The following CDKN2B-AS1 variants were observed in gnomAD, a reference collection of about 807,000 sequenced individuals.
The protein encoded by CDKN2B-AS1 is CDKN2B antisense RNA 1 (non-protein coding).
intron 4 of CDKN2B-AS1, among the ~76,000 whole-genome samples, chr9:22,094,072 T>G (rs1349050474): frequency 6.9e-6 from 1 of 144,328 alleles, no homozygotes; most frequent in South Asian, 2.1e-4. Context: ...CTCCTTCACT[T>G]ATGAAGCTTA....
At chr9:22,116,573 C>G (rs1224972905) in intron 4 of CDKN2B-AS1, among the ~76,000 whole-genome samples, 2 of 152,090 alleles carry the variant, frequency 1.3e-5, no homozygotes, top group Non-Finnish European at 2.9e-5. Flanking sequence ...ACATTTGACC[C>G]AAGACCTAAA....
intron 4 of CDKN2B-AS1, among the ~76,000 whole-genome samples, chr9:22,110,794 C>G (rs544569953): frequency 6.6e-6 from 1 of 152,280 alleles, no homozygotes; most frequent in African/African-American, 2.4e-5. Context: ...CGCTCCTACT[C>G]TTGAAAGTGA....
intron 1 of CDKN2B-AS1, among the ~76,000 whole-genome samples, chr9:22,045,533 C>T (rs1404105563): frequency 6.6e-6 from 1 of 151,996 alleles, no homozygotes; most frequent in African/African-American, 2.4e-5. Flanking sequence ...TTTAGCTTCA[C>T]TAAACTAGTC....
chr9:22,102,615 G>A (rs1825523155), intron 4 of CDKN2B-AS1, among the ~76,000 whole-genome samples: 1 of 152,036 alleles, frequency 6.6e-6, no homozygotes, highest in Non-Finnish European at 1.5e-5. Flanking sequence ...TTTTCGTATG[G>A]CCTTCTACTC....
intron 1 of CDKN2B-AS1, among the ~76,000 whole-genome samples, chr9:22,011,208 C>T (rs1234559207): frequency 6.6e-6 from 1 of 152,162 alleles, no homozygotes; most frequent in Non-Finnish European, 1.5e-5. Flanking sequence ...CCTTTTCTCC[C>T]GTCAAATAGA....
intron 1 of CDKN2B-AS1, chr9:22,032,567 G>A (rs1184648093): frequency 6.6e-6 from 1 of 151,972 alleles, no homozygotes; most frequent in Non-Finnish European, 1.5e-5. Context: ...ATTCATTGTT[G>A]TCCATGCCAT....
chr9:22,012,521 C>A, intron 1 of CDKN2B-AS1: 2 of 641,176 alleles, frequency 3.1e-6, no homozygotes, highest in East Asian at 3.4e-5. Context: ...CAACCTGCAC[C>A]CCAAGAAGGT....
intron 4 of CDKN2B-AS1, among the ~76,000 whole-genome samples, chr9:22,076,690 A>T (rs1006058298): frequency 3.3e-5 from 5 of 151,980 alleles, no homozygotes; most frequent in African/African-American, 1.2e-4. Flanking sequence ...CATTTTTATT[A>T]TTTTTTAAAT....
intron 1 of CDKN2B-AS1, chr9:22,008,640 TG>T: frequency 6.3e-7 from 1 of 1,591,230 alleles, no homozygotes. Context: ...GGATTTTTGC[TG>T]GGTAAAAGCC....
At chr9:22,105,857 G>T (rs1270918747) in intron 4 of CDKN2B-AS1, among the ~76,000 whole-genome samples, 1 of 152,164 alleles carries the variant, frequency 6.6e-6, no homozygotes, top group African/African-American at 2.4e-5. Context: ...TTTCAACTAT[G>T]GGCTTTATTA....
intron 4 of CDKN2B-AS1, among the ~76,000 whole-genome samples, chr9:22,072,425 G>A (rs1824332459): frequency 6.6e-6 from 1 of 152,176 alleles, no homozygotes; most frequent in African/African-American, 2.4e-5. Context: ...AAGAGTCCAG[G>A]GGACAGACAG....
chr9:22,011,925 T>C (rs1304253129), intron 1 of CDKN2B-AS1, among the ~76,000 whole-genome samples: 1 of 152,186 alleles, frequency 6.6e-6, no homozygotes, highest in South Asian at 2.1e-4. Context: ...GAATTTATAA[T>C]TGAGAAGAAA....
chr9:22,007,237 C>CT (rs1308104408), intron 1 of CDKN2B-AS1, among the ~76,000 whole-genome samples: 1 of 152,084 alleles, frequency 6.6e-6, no homozygotes, highest in African/African-American at 2.4e-5. Context: ...TGGGGCGTGC[C>CT]TGTAGTCCCA....
intron 1 of CDKN2B-AS1, chr9:22,032,787 A>C (rs1822532693): frequency 6.6e-6 from 1 of 151,764 alleles, no homozygotes; most frequent in South Asian, 2.1e-4. Context: ...TGTGGAAATA[A>C]TATTCATGCT....
intron 1 of CDKN2B-AS1, among the ~76,000 whole-genome samples, chr9:22,045,147 G>A (rs966652545): frequency 1.3e-5 from 2 of 151,172 alleles, no homozygotes; most frequent in Non-Finnish European, 2.9e-5. Flanking sequence ...GGATTAAGAG[G>A]ATAAAGGAAA....
chr9:22,072,725 G>A (rs1824346234), intron 4 of CDKN2B-AS1, among the ~76,000 whole-genome samples: 1 of 152,200 alleles, frequency 6.6e-6, no homozygotes, highest in Non-Finnish European at 1.5e-5. Context: ...GCACAAGGCA[G>A]CCTAACTTGT....
intron 4 of CDKN2B-AS1, among the ~76,000 whole-genome samples, chr9:22,092,921 G>C (rs962074877): frequency 1.1e-4 from 17 of 152,122 alleles, no homozygotes; most frequent in African/African-American, 4.1e-4. Flanking sequence ...ATGTTAGGGT[G>C]TCAATTTTAG....
chr9:22,035,163 G>C (rs1174976579), intron 1 of CDKN2B-AS1, among the ~76,000 whole-genome samples: 1 of 151,234 alleles, frequency 6.6e-6, no homozygotes, highest in Admixed American at 6.6e-5. Flanking sequence ...TTTTTTTTTA[G>C]GTTGTTGTCT....
At chr9:22,034,026 A>C (rs948032498) in intron 1 of CDKN2B-AS1, among the ~76,000 whole-genome samples, 1 of 152,224 alleles carries the variant, frequency 6.6e-6, no homozygotes, top group Admixed American at 6.5e-5. Context: ...TTAAAAAATC[A>C]AAGGTGTAAC....
Sources: gnomAD v4.1 joint callset for allele counts (sites outside exome capture counted in the v4.1 genomes callset) on GRCh38, gnomAD v4.1.1 for gene constraint, MANE v1.5 for transcripts, NCBI Gene and HGNC (gene_info 2026-07-23, HGNC 2026-07-21) for gene names.